Variants in TCF12 observed in about 807,000 individuals in gnomAD.
TCF12 encodes the protein transcription factor 12.
Under a neutral mutation model 86.0 loss-of-function variants are expected in TCF12, and 45 were observed. That is an observed-to-expected ratio of 0.52 (90% confidence interval 0.41 to 0.67). The LOEUF is 0.67. Ranked by LOEUF, TCF12 falls within the 30% of genes least tolerant of loss-of-function variation. The pLI is 0.00. For synonymous variants in TCF12, 330 were observed against 299.6 expected (o/e 1.10, Z -1.05); for missense variants, 881 against 859.9 (o/e 1.02, Z -0.31).
At chr15:57,197,685 G>A (rs1166128818) in intron 7 of TCF12, 88 bp from the exon 8 acceptor site, 11 of 1,469,788 alleles carry the variant, frequency 7.5e-6, no homozygotes, top group East Asian at 2.3e-5. Context: ...CAAGAAAGAC[G>A]CTAGGGGAAA....
At chr15:57,174,740 T>A (rs1479567694) in intron 6 of TCF12, among the ~76,000 whole-genome samples, 3 of 152,076 alleles carry the variant, frequency 2.0e-5, no homozygotes, top group Non-Finnish European at 4.4e-5. Context: ...TCAGCAAAAA[T>A]TAGAAAATAA....
intron 8 of TCF12, among the ~76,000 whole-genome samples, chr15:57,217,014 A>G (rs1241686145): frequency 6.6e-6 from 1 of 152,046 alleles, no homozygotes; most frequent in Non-Finnish European, 1.5e-5. Flanking sequence ...TGTTTTTTTA[A>G]GTTTTTATAT....
At chr15:57,056,298 T>G (rs916500771) in intron 3 of TCF12, among the ~76,000 whole-genome samples, 2 of 151,682 alleles carry the variant, frequency 1.3e-5, no homozygotes, top group African/African-American at 4.8e-5. Flanking sequence ...CCACCACCAT[T>G]CCCAGCTACT....
At chr15:57,246,462 A>C (rs556772500) in intron 13 of TCF12, among the ~76,000 whole-genome samples, 3 of 152,040 alleles carry the variant, frequency 2.0e-5, no homozygotes, top group Non-Finnish European at 4.4e-5. Flanking sequence ...CTGGCCCCCT[A>C]TGTCAGGGCT....
At chr15:57,002,405 G>A (rs1446939249) in intron 3 of TCF12, among the ~76,000 whole-genome samples, 1 of 152,126 alleles carries the variant, frequency 6.6e-6, no homozygotes, top group East Asian at 1.9e-4. Flanking sequence ...CAATCACAAT[G>A]TTTACATTAT....
intron 19 of TCF12, among the ~76,000 whole-genome samples, chr15:57,275,543 A>AT (rs1172709435): frequency 1.3e-5 from 2 of 151,990 alleles, no homozygotes; most frequent in Non-Finnish European, 2.9e-5. Context: ...TGTCTTTGGC[A>AT]ACACCTTCAG....
chr15:57,066,104 TG>T (rs1231603081), intron 4 of TCF12, among the ~76,000 whole-genome samples: 8 of 152,138 alleles, frequency 5.3e-5, no homozygotes, highest in Non-Finnish European at 7.4e-5. Flanking sequence ...AGTTTCTCCT[TG>T]GCAACTCTTC....
chr15:56,938,724 A>AT (rs2060596547), intron 3 of TCF12, among the ~76,000 whole-genome samples: 1 of 146,316 alleles, frequency 6.8e-6, no homozygotes, highest in Admixed American at 7.0e-5. Flanking sequence ...GCCCCCCTTC[A>AT]TGACATCATC....
At chr15:56,928,408 T>C (rs1439390778) in intron 3 of TCF12, among the ~76,000 whole-genome samples, 1 of 152,212 alleles carries the variant, frequency 6.6e-6, no homozygotes, top group Non-Finnish European at 1.5e-5. Context: ...TATTATATAC[T>C]AGGCATTGTG....
chr15:57,192,077 ATAAT>A (rs2057010278), intron 6 of TCF12, 77 bp from the exon 7 acceptor site: 1 of 1,513,342 alleles, frequency 6.6e-7, no homozygotes, highest in South Asian at 1.2e-5. Context: ...GAAGTTGTAA[ATAAT>A]TCAGAAGTGA....
chr15:57,200,781 G>C (rs1047996784), intron 8 of TCF12, among the ~76,000 whole-genome samples: 6 of 152,176 alleles, frequency 3.9e-5, no homozygotes, highest in Admixed American at 6.5e-5. Context: ...CAGCTTCTCT[G>C]TTCCTCTCTG....
intron 5 of TCF12, among the ~76,000 whole-genome samples, chr15:57,147,240 A>G (rs2151435696): frequency 6.6e-6 from 1 of 152,366 alleles, no homozygotes; most frequent in Non-Finnish European, 1.5e-5. Context: ...GTAACTATAT[A>G]TTCAGTTATT....
downstream of TCF12, among the ~76,000 whole-genome samples, chr15:57,291,289 G>A (rs1327524058): frequency 6.6e-6 from 1 of 151,998 alleles, no homozygotes; most frequent in African/African-American, 2.4e-5. Flanking sequence ...TGAATACAAT[G>A]TAAATCCTAT....
chr15:57,267,517 T>C (rs2068499027), intron 18 of TCF12, among the ~76,000 whole-genome samples: 1 of 152,212 alleles, frequency 6.6e-6, no homozygotes, highest in African/African-American at 2.4e-5. Context: ...AGATCAGGAA[T>C]CAGCAAACTT....
rs535961822 is a variant in TCF12 at position 57,075,172 on chromosome 15, G to A, written c.222+11349G>A. 2.9e-3 allele frequency among the ~76,000 whole-genome samples: 439 copies of A among 152,324 alleles called. 2 individuals are homozygous for A. Among genetic ancestry groups the A allele is most frequent in the South Asian group, 0.019 (92 of 4,828 alleles). On this transcript the variant is annotated intron_variant, in intron 4 of 20. Coordinates refer to ENST00000333725, the MANE Select transcript of TCF12 (RefSeq NM_207037.2). The stretch of plus-strand genomic sequence containing the variant: ...TAAATAATTAAGTGCCAGCTGTCCT[G>A]AACCAAATATCTTCTCGATGTTGGT...
At chr15:57,031,178 T>C (rs1311077983) in intron 3 of TCF12, among the ~76,000 whole-genome samples, 1 of 152,220 alleles carries the variant, frequency 6.6e-6, no homozygotes, top group Non-Finnish European at 1.5e-5. Context: ...TTTCTGCCTC[T>C]TACCTTTATT....
chr15:57,113,484 A>G (rs1054531153), intron 5 of TCF12, among the ~76,000 whole-genome samples: 8 of 152,166 alleles, frequency 5.3e-5, no homozygotes, highest in Non-Finnish European at 1.0e-4. Context: ...ATATAGCAAC[A>G]TTCAGTAAAT....
chr15:57,119,605 T>C (rs568376312), intron 5 of TCF12, among the ~76,000 whole-genome samples: 1 of 151,866 alleles, frequency 6.6e-6, no homozygotes, highest in East Asian at 1.9e-4. Flanking sequence ...AATTAAGAAA[T>C]AGAGTCTCTT....
intron 13 of TCF12, among the ~76,000 whole-genome samples, chr15:57,244,981 G>C (rs2151977497): frequency 6.6e-6 from 1 of 152,232 alleles, no homozygotes; most frequent in Middle Eastern, 3.4e-3. Context: ...TTGGAGAAAA[G>C]CCTTGCTGAA....
Sources: allele counts gnomAD v4.1 joint callset (sites outside exome capture counted in the v4.1 genomes callset), GRCh38; gene constraint gnomAD v4.1.1; transcripts MANE v1.5; gene names NCBI Gene and HGNC (gene_info 2026-07-23, HGNC 2026-07-21).